Variants in CFHR5 observed in about 807,000 individuals in gnomAD.
CFHR5 encodes the protein complement factor H related 5.
In CFHR5, 73 loss-of-function variants were observed where a neutral mutation model predicts 62.9. That is an observed-to-expected ratio of 1.16 (90% CI 0.96 to 1.41). CFHR5 has a LOEUF of 1.41. Among genes scored for constraint, CFHR5 ranks in the 40% most tolerant of loss-of-function variants. The pLI is 0.00. For synonymous variants in CFHR5, 249 were observed against 227.2 expected (o/e 1.10, Z -0.86); for missense variants, 779 against 679.9 (o/e 1.15, Z -1.62).
Position 196,982,965 on chromosome 1 carries a change from A to G in CFHR5, c.139A>G (p.Thr47Ala), listed in dbSNP as rs1307800320. The change falls in exon 2 of 10, where the codon ACA becomes GCA. Residue 47 changes from threonine (T) to alanine (A), a missense_variant. Coordinates refer to ENST00000256785, the MANE Select transcript of CFHR5 (RefSeq NM_030787.4). ...EDYNPFSQVP[T>A]GEVFYYSCEY... Reference sequence around the variant, plus strand: ...TTATAACCCTTTTTCCCAAGTTCCTACAGGGGAAGTTTTCTATTACTCCTG... The same window carrying G: ...TTATAACCCTTTTTCCCAAGTTCCTGCAGGGGAAGTTTTCTATTACTCCTG... The G allele has an allele frequency of 1.9e-6, 3 of 1,614,110 alleles. No homozygotes were observed. The highest frequency in any genetic ancestry group is 2.5e-6 in the Non-Finnish European group (3 of 1,180,018).
At chr1:196,987,197 C>T in intron 3 of CFHR5, among the ~76,000 whole-genome samples, 1 of 152,058 alleles carries the variant, frequency 6.6e-6, no homozygotes, top group Non-Finnish European at 1.5e-5. Context: ...ATATCCTTTG[C>T]CCACTTTTTG....
At position 197,009,242 on chromosome 1, in the gene CFHR5, T is replaced by C. The variant is rs1317553783; in HGVS notation, c.*559T>C. On this transcript the variant is annotated 3_prime_UTR_variant, in exon 10 of 10. Coordinates refer to ENST00000256785, the MANE Select transcript of CFHR5 (RefSeq NM_030787.4). Reference sequence around the variant, plus strand: ...TAGAGCTCTCGTGACTTAATCACCTTCTAAAGATCTCACCTGACAACACTG... The same window carrying C: ...TAGAGCTCTCGTGACTTAATCACCTCCTAAAGATCTCACCTGACAACACTG... 1 of 152,548 alleles carries C rather than the reference T, an allele frequency of 6.6e-6. No homozygotes were observed. Among genetic ancestry groups the C allele is most frequent in the Non-Finnish European group, 1.5e-5 (1 of 68,284 alleles). 9.4% of individuals were successfully genotyped at this position (152,548 alleles called of 1,614,324 possible).
In CFHR5 at chr1:196,983,020, C is replaced by T. The variant is rs779001368; in HGVS notation, c.194C>T (p.Ser65Phe). ...TATAATTTTGTGTCTCCTTCAAAAT[C>T]CTTTTGGACTCGCATAACATGCACA... ...CEYNFVSPSK[S>F]FWTRITCTEE... is the part of the protein sequence containing the mutation. Residue 65 changes from serine to phenylalanine, a missense_variant, in exon 2 of 10, where the codon TCC becomes TTC. Transcript: ENST00000256785. 1.9e-6 allele frequency: 3 copies of T among 1,614,008 alleles called. No individual in the cohort carries two copies. Among genetic ancestry groups the T allele is most frequent in the Non-Finnish European group, 2.5e-6 (3 of 1,180,004 alleles).
At chr1:197,004,366 C>T (rs1182899430) in intron 8 of CFHR5, among the ~76,000 whole-genome samples, 1 of 152,000 alleles carries the variant, frequency 6.6e-6, no homozygotes, top group Non-Finnish European at 1.5e-5. Flanking sequence ...TTACTTTTAC[C>T]TTTCCTCTTT....
rs751152463 is a variant in CFHR5 at position 197,008,548 on chromosome 1, C to T, written c.1575C>T (p.Asn525=). 2 of 1,612,886 alleles carry T rather than the reference C, an allele frequency of 1.2e-6. No individual in the cohort carries two copies. Among genetic ancestry groups the T allele is most frequent in the Non-Finnish European group, 8.5e-7 (1 of 1,179,274 alleles). ...ATAACATACAGTTAAAATGGAGAAACGATGGAAAACTCTATGCAAAAACAG... is the reference window on the plus strand; with the variant it reads ...ATAACATACAGTTAAAATGGAGAAATGATGGAAAACTCTATGCAAAAACAG... ...NKNNIQLKWR[N]DGKLYAKTGD... The change falls in exon 10 of 10, where the codon AAC becomes AAT. Residue 525 remains asparagine (N), a synonymous_variant. Transcript: ENST00000256785.
chr1:196,992,644 T>C (rs1429795600), intron 3 of CFHR5, among the ~76,000 whole-genome samples: 1 of 152,196 alleles, frequency 6.6e-6, no homozygotes, highest in Non-Finnish European at 1.5e-5. Context: ...GCTGTTCCTA[T>C]TCGGCCATCT....
chr1:196,982,289 ATTG>A (rs1653562261), intron 1 of CFHR5, among the ~76,000 whole-genome samples: 1 of 152,184 alleles, frequency 6.6e-6, no homozygotes, highest in Non-Finnish European at 1.5e-5. Context: ...TCATTCTTAA[ATTG>A]TTGTGTGAGG....
chr1:197,007,439 T>C (rs552499482), intron 9 of CFHR5, among the ~76,000 whole-genome samples: 2 of 151,942 alleles, frequency 1.3e-5, no homozygotes, highest in South Asian at 4.2e-4. Context: ...CATGAAAGAA[T>C]GCTTGTCTAC....
chr1:197,002,198 A>T (rs1306469065), intron 7 of CFHR5, among the ~76,000 whole-genome samples: 1 of 152,176 alleles, frequency 6.6e-6, no homozygotes, highest in East Asian at 1.9e-4. Flanking sequence ...TAAATTATAC[A>T]AGAGAATTGA....
rs542054933 is a variant in CFHR5 at position 196,989,051 on chromosome 1, G to A, written c.430+4914G>A. 1.0e-3 allele frequency among the ~76,000 whole-genome samples: 152 copies of A among 152,266 alleles called. 1 individual carries two copies. The highest frequency in any genetic ancestry group is 2.9e-4 in the Non-Finnish European group (20 of 68,014). The stretch of plus-strand genomic sequence containing the variant: ...AATTATTGCCTCAATTTCAGAGCCT[G>A]TTATTGGTCTATTCAGAGATTCAAC... On this transcript the variant is annotated intron_variant, in intron 3 of 9. Coordinates refer to ENST00000256785, the MANE Select transcript of CFHR5 (RefSeq NM_030787.4).
At chr1:196,999,785 GTATATATGTGTGTA>G (rs1358747302) in intron 7 of CFHR5, among the ~76,000 whole-genome samples, 25 of 127,008 alleles carry the variant, frequency 2.0e-4, no homozygotes, top group Admixed American at 8.3e-4. Context: ...ATGTATATAT[GTATATATGTGTGTA>G]TATATATGTG....
chr1:196,978,417 T>A (rs1047763217), intron 1 of CFHR5, among the ~76,000 whole-genome samples: 2 of 152,086 alleles, frequency 1.3e-5, no homozygotes, highest in Admixed American at 1.3e-4. Context: ...GCAAACAAAA[T>A]CTCTAACAAG....
Position 196,995,778 on chromosome 1 carries a change from A to C in CFHR5, c.669A>C (p.Arg223Ser), listed in dbSNP as rs373158868. 187 of 1,613,174 alleles carry C rather than the reference A, an allele frequency of 1.2e-4. 2 individuals are homozygous for C. Among genetic ancestry groups the C allele is most frequent in the Non-Finnish European group, 1.5e-4 (182 of 1,179,352 alleles). ...CCAATGGTGAAGTTAAGGAGATAAG[A>C]AAAGAGGAATATGGACACAATGAAG... ...QLSNGEVKEI[R>S]KEEYGHNEVV... Residue 223 changes from arginine to serine, a missense_variant, in exon 5 of 10, where the codon AGA (arginine) becomes AGC (serine). Physicochemically the swap from Arg to Ser is moderately radical, Grantham distance 110. Transcript: ENST00000256785.
intron 2 of CFHR5, 78 bp from the exon 3 acceptor site, chr1:196,983,883 C>T: frequency 2.0e-6 from 2 of 1,009,460 alleles, no homozygotes; most frequent in East Asian, 2.5e-5. Context: ...TCAAAGTTTT[C>T]CTTTCTTAAT....
chr1:197,008,435 G>A, intron 9 of CFHR5, 52 bp from the exon 10 acceptor site: 1 of 1,102,968 alleles, frequency 9.1e-7, no homozygotes, highest in African/African-American at 1.6e-5. Flanking sequence ...TTCTATGAAA[G>A]GTAAAGATGT....
At chr1:196,977,318 G>A (rs9427942), upstream of CFHR5, among the ~76,000 whole-genome samples, 27,344 of 150,074 alleles carry the variant, frequency 0.18, 4,293 homozygotes, top group African/African-American at 0.43. Flanking sequence ...CCAGGGGGCC[G>A]GCGGTGGGGA....
chr1:197,005,897 C>T (rs1654275867), intron 9 of CFHR5, among the ~76,000 whole-genome samples: 1 of 152,126 alleles, frequency 6.6e-6, no homozygotes, highest in Admixed American at 6.5e-5. Flanking sequence ...AGCCCCTCTC[C>T]CAGGATATCA....
rs1653681164 is a variant in CFHR5, at chr1:196,986,346, A to G, written c.430+2209A>G. ...GAATAAAGCAGCTGGAAAACCCTACATTGGCCAAGATCGATTATTTTCTTT... is the reference window on the plus strand; with the variant it reads ...GAATAAAGCAGCTGGAAAACCCTACGTTGGCCAAGATCGATTATTTTCTTT... On this transcript the variant is annotated intron_variant, in intron 3 of 9. Transcript: ENST00000256785. Among the ~76,000 whole-genome samples the G allele has an allele frequency of 2.6e-5, 4 of 151,554 alleles. No individual in the cohort carries two copies. In the South Asian group the frequency reaches 8.4e-4, roughly 32 times the overall value.
chr1:196,997,377 T>A (rs1056940900), intron 6 of CFHR5, among the ~76,000 whole-genome samples: 2 of 151,910 alleles, frequency 1.3e-5, no homozygotes, highest in African/African-American at 4.8e-5. Flanking sequence ...CCATATGGGG[T>A]GAATTAAAAA....
Sources: allele counts gnomAD v4.1 joint callset (sites outside exome capture counted in the v4.1 genomes callset), GRCh38; gene constraint gnomAD v4.1.1; transcripts MANE v1.5; gene names NCBI Gene and HGNC (gene_info 2026-07-23, HGNC 2026-07-21).